The following DPP10 variants were observed in gnomAD, a reference collection of about 807,000 sequenced individuals.
DPP10 encodes inactive dipeptidyl peptidase 10.
Under a neutral mutation model 120.9 loss-of-function variants are expected in DPP10, and 33 were observed. The ratio of observed to expected loss-of-function variants is 0.27; its 90% CI spans 0.21 to 0.37. The LOEUF (loss-of-function observed/expected upper bound fraction) is 0.37. Ranked by LOEUF, DPP10 falls within the 10% of genes least tolerant of loss-of-function variation. The pLI is 1.00. For synonymous variants in DPP10, 337 were observed against 326.1 expected (o/e 1.03, Z -0.36); for missense variants, 816 against 942.8 (o/e 0.87, Z 1.76).
At chr2:115,316,591 G>A (rs1574398807) in intron 2 of DPP10, among the ~76,000 whole-genome samples, 1 of 151,936 alleles carries the variant, frequency 6.6e-6, no homozygotes, top group South Asian at 2.1e-4. Flanking sequence ...TTTATTTCTG[G>A]TTTCATAATT....
intron 5 of DPP10, among the ~76,000 whole-genome samples, chr2:115,601,977 G>A (rs1004464058): frequency 1.1e-4 from 17 of 151,922 alleles, no homozygotes; most frequent in African/African-American, 1.2e-4. Context: ...CACCGCGCCC[G>A]GCCAATTGTG....
chr2:115,449,782 G>A (rs1007159707), intron 3 of DPP10, among the ~76,000 whole-genome samples: 7 of 152,004 alleles, frequency 4.6e-5, no homozygotes, highest in East Asian at 1.9e-4. Context: ...TCAGATCCTC[G>A]GCACATATGT....
intron 1 of DPP10, among the ~76,000 whole-genome samples, chr2:114,706,157 T>C (rs1700673595): frequency 1.3e-5 from 2 of 152,214 alleles, no homozygotes; most frequent in South Asian, 2.1e-4. Context: ...CCTGGCCATA[T>C]CTTTTGATTC....
At chr2:114,587,903 A>G (rs557828321) in intron 1 of DPP10, among the ~76,000 whole-genome samples, 21 of 152,366 alleles carry the variant, frequency 1.4e-4, no homozygotes, top group African/African-American at 4.3e-4. Flanking sequence ...ATTAGGCATC[A>G]TCTTAAACAA....
At chr2:115,514,520 G>C (rs995686798) in intron 4 of DPP10, among the ~76,000 whole-genome samples, 3 of 151,042 alleles carry the variant, frequency 2.0e-5, no homozygotes, top group South Asian at 2.1e-4. Flanking sequence ...TTACTCTCAG[G>C]GTTTTCCAGT....
chr2:114,975,858 C>T (rs1699722729), intron 1 of DPP10, among the ~76,000 whole-genome samples: 1 of 152,072 alleles, frequency 6.6e-6, no homozygotes, highest in Non-Finnish European at 1.5e-5. Context: ...ACCATGTTGG[C>T]CAGGCTGGTC....
intron 3 of DPP10, among the ~76,000 whole-genome samples, chr2:115,384,339 A>T (rs1229759498): frequency 6.6e-6 from 1 of 151,908 alleles, no homozygotes; most frequent in African/African-American, 2.4e-5. Context: ...ACATGACTGC[A>T]CTCCAGCCTA....
chr2:115,191,533 T>C (rs1025589472), intron 1 of DPP10, among the ~76,000 whole-genome samples: 12 of 152,122 alleles, frequency 7.9e-5, no homozygotes, highest in Admixed American at 6.5e-5. Flanking sequence ...TGACCAGCAA[T>C]AGAGTGAGGA....
chr2:114,544,158 C>T (rs1226029027), intron 1 of DPP10, among the ~76,000 whole-genome samples: 3 of 151,916 alleles, frequency 2.0e-5, no homozygotes, highest in Non-Finnish European at 2.9e-5. Context: ...AAAAGTAGAA[C>T]AGGGTAAAGA....
rs374726231 is a variant in DPP10 at position 115,813,023 on chromosome 2, G to A, written c.1701-1770G>A. Among the ~76,000 whole-genome samples, 6 of 122,812 alleles carry A rather than the reference G, an allele frequency of 4.9e-5. No homozygotes were observed. In the South Asian group the frequency reaches 1.3e-3, roughly 26 times the overall value. 80.6% of individuals were successfully genotyped at this position (122,812 alleles called of 152,430 possible). On this transcript the variant is annotated intron_variant, in intron 19 of 25. Coordinates refer to ENST00000410059, the MANE Select transcript of DPP10 (RefSeq NM_020868.6). ...GGAGTCTCGCTCTGTCGCCCAGGCC[G>A]GACTGCGGACTGCAGTGGCGCAATC...
chr2:114,803,976 G>A (rs533850000), intron 1 of DPP10, among the ~76,000 whole-genome samples: 5 of 152,308 alleles, frequency 3.3e-5, no homozygotes, highest in African/African-American at 4.8e-5. Context: ...TCACAGGCCC[G>A]GAGGCCCTGG....
Position 114,442,833 on chromosome 2 carries a change from A to G in DPP10, c.55A>G (p.Ile19Val), listed in dbSNP as rs1677732122. Residue 19 changes from isoleucine to valine, a missense_variant, in exon 1 of 26, where the codon ATC (isoleucine) becomes GTC (valine). Physicochemically the swap from Ile to Val is conservative, Grantham distance 29. This residue lies in a region of DPP10 where 182 missense variants were observed against 207.4 expected (regional missense o/e 0.88). Transcript: ENST00000410059. Reference sequence around the variant, plus strand: ...CATCAAGTGTCAACCCTCAAAAACAATCAAGGTAGGATCTGGTTTTTCCCT... The same window carrying G: ...CATCAAGTGTCAACCCTCAAAAACAGTCAAGGTAGGATCTGGTTTTTCCCT... ...HHIKCQPSKT[I>V]KELGSNSPPQ... 2 of 1,613,230 alleles carry G rather than the reference A, an allele frequency of 1.2e-6. No homozygotes were observed. Among genetic ancestry groups the G allele is most frequent in the Admixed American group, 1.7e-5 (1 of 59,928 alleles).
chr2:115,316,913 TC>T (rs1350582316), intron 2 of DPP10, among the ~76,000 whole-genome samples: 1 of 152,040 alleles, frequency 6.6e-6, no homozygotes, highest in Non-Finnish European at 1.5e-5. Flanking sequence ...TTCAAAACCA[TC>T]CTGGGCCACA....
chr2:115,621,545 T>C (rs1397119426), intron 5 of DPP10, among the ~76,000 whole-genome samples: 5 of 152,206 alleles, frequency 3.3e-5, no homozygotes, highest in African/African-American at 9.6e-5. Flanking sequence ...GGGATATTTT[T>C]TAATACTCTG....
chr2:114,883,768 T>C (rs992374122), intron 1 of DPP10, among the ~76,000 whole-genome samples: 1 of 152,214 alleles, frequency 6.6e-6, no homozygotes, highest in African/African-American at 2.4e-5. Flanking sequence ...GGCTGGGTTC[T>C]GAGATGGCCT....
chr2:115,104,657 T>A (rs1331207039), intron 1 of DPP10, among the ~76,000 whole-genome samples: 1 of 152,142 alleles, frequency 6.6e-6, no homozygotes, highest in Non-Finnish European at 1.5e-5. Flanking sequence ...ACATCAAAAG[T>A]ACCTGATCAA....
chr2:115,101,681 CT>C (rs1401148181), intron 1 of DPP10, among the ~76,000 whole-genome samples: 3 of 152,152 alleles, frequency 2.0e-5, no homozygotes, highest in Admixed American at 1.3e-4. Context: ...TAGTGCTGCA[CT>C]TTGTCTTTTA....
At chr2:115,149,790 C>T (rs866769235) in intron 1 of DPP10, among the ~76,000 whole-genome samples, 3 of 152,156 alleles carry the variant, frequency 2.0e-5, no homozygotes, top group African/African-American at 4.8e-5. Flanking sequence ...ATACAAGCCA[C>T]GTAGTCACCT....
At chr2:114,522,940 A>G (rs1037153735) in intron 1 of DPP10, among the ~76,000 whole-genome samples, 5 of 152,198 alleles carry the variant, frequency 3.3e-5, no homozygotes, top group African/African-American at 1.2e-4. Context: ...CCATGATTCA[A>G]TTACCTCCCG....
Sources: allele counts gnomAD v4.1 joint callset (sites outside exome capture counted in the v4.1 genomes callset), GRCh38; gene constraint gnomAD v4.1.1; regional missense constraint gnomAD v4.1.1; transcripts MANE v1.5; gene names NCBI Gene and HGNC (gene_info 2026-07-23, HGNC 2026-07-21).